The following TMOD3 variants were observed in gnomAD, a reference collection of about 807,000 sequenced individuals.
TMOD3 encodes tropomodulin 3.
A neutral mutation model predicts 39.2 loss-of-function variants in TMOD3; 20 were observed. The observed-to-expected ratio is 0.51, with a 90% CI of 0.36 to 0.74. The LOEUF (loss-of-function observed/expected upper bound fraction) is 0.74. TMOD3 is among the 30% of genes least tolerant of loss of function. TMOD3 has a pLI of 0.00. For synonymous variants in TMOD3, 143 were observed against 145.8 expected (o/e 0.98, Z 0.14); for missense variants, 381 against 412.8 (o/e 0.92, Z 0.67).
At chr15:51,897,448 AATCTT>A in intron 7 of TMOD3, among the ~76,000 whole-genome samples, 1 of 151,230 alleles carries the variant, frequency 6.6e-6, no homozygotes, top group Admixed American at 6.6e-5. Flanking sequence ...ATGCAATTTC[AATCTT>A]TCATTGCTCA....
chr15:51,876,069 C>T (rs943399194), intron 3 of TMOD3, among the ~76,000 whole-genome samples: 1 of 152,134 alleles, frequency 6.6e-6, no homozygotes, highest in Non-Finnish European at 1.5e-5. Flanking sequence ...ATAAAACCTA[C>T]TTTGCCTGAT....
intron 3 of TMOD3, chr15:51,875,018 GC>G (rs2056494570): frequency 1.3e-5 from 2 of 152,082 alleles, no homozygotes; most frequent in Admixed American, 1.3e-4. Context: ...GCCCCTCCCT[GC>G]TTTTTTAAAG....
At chr15:51,832,286 A>G (rs1219648663) in intron 1 of TMOD3, among the ~76,000 whole-genome samples, 2 of 145,418 alleles carry the variant, frequency 1.4e-5, no homozygotes, top group Non-Finnish European at 3.0e-5. Context: ...AGGCAGATAT[A>G]CTTATGTATA....
chr15:51,861,377 A>C (rs961392650), intron 1 of TMOD3: 1 of 176,940 alleles, frequency 5.7e-6, no homozygotes, highest in Non-Finnish European at 1.2e-5. Context: ...TGTTGGACCC[A>C]AGGTGGTTGC....
intron 2 of TMOD3, among the ~76,000 whole-genome samples, chr15:51,866,844 A>C (rs969663864): frequency 5.3e-5 from 8 of 152,232 alleles, no homozygotes; most frequent in African/African-American, 1.9e-4. Flanking sequence ...CTCATGACGC[A>C]GGCTGGTAGG....
At chr15:51,905,025 A>G (rs1222936078) in intron 9 of TMOD3, among the ~76,000 whole-genome samples, 2 of 152,238 alleles carry the variant, frequency 1.3e-5, no homozygotes, top group Non-Finnish European at 2.9e-5. Context: ...TGAAATGACA[A>G]TAAGCACATT....
intron 1 of TMOD3, among the ~76,000 whole-genome samples, chr15:51,849,439 C>G: frequency 6.6e-6 from 1 of 151,990 alleles, no homozygotes; most frequent in African/African-American, 2.4e-5. Flanking sequence ...ATGAAATCAC[C>G]AAGGCAGTGA....
chr15:51,883,036 C>A (rs2141697302), intron 3 of TMOD3, among the ~76,000 whole-genome samples: 2 of 152,142 alleles, frequency 1.3e-5, no homozygotes, highest in Admixed American at 1.3e-4. Context: ...TTCAACTAAC[C>A]TGGAAGAAAA....
At chr15:51,851,364 T>A (rs2056361095) in intron 1 of TMOD3, among the ~76,000 whole-genome samples, 1 of 152,242 alleles carries the variant, frequency 6.6e-6, no homozygotes, top group South Asian at 2.1e-4. Flanking sequence ...AGTTATTTGC[T>A]TGTTTCACTT....
chr15:51,848,305 T>C (rs1419355715), intron 1 of TMOD3, among the ~76,000 whole-genome samples: 4 of 152,224 alleles, frequency 2.6e-5, no homozygotes, highest in African/African-American at 9.6e-5. Flanking sequence ...TGAAACTCCC[T>C]TGCCTTTGAG....
At chr15:51,834,548 C>T (rs1372029080) in intron 1 of TMOD3, among the ~76,000 whole-genome samples, 6 of 152,010 alleles carry the variant, frequency 3.9e-5, no homozygotes, top group Non-Finnish European at 5.9e-5. Context: ...TTCCCTTTCT[C>T]GGCCAGGCAC....
intron 5 of TMOD3, among the ~76,000 whole-genome samples, chr15:51,889,498 G>T (rs971374252): frequency 1.3e-5 from 2 of 152,058 alleles, no homozygotes; most frequent in African/African-American, 4.8e-5. Flanking sequence ...AGATTCAGGA[G>T]ATACCACAAA....
At chr15:51,856,869 TA>T (rs1208229737) in intron 1 of TMOD3, among the ~76,000 whole-genome samples, 2 of 152,228 alleles carry the variant, frequency 1.3e-5, no homozygotes, top group African/African-American at 4.8e-5. Context: ...TGGGATTACC[TA>T]ATCAAGTTCA....
chr15:51,889,087 T>C lies in TMOD3; in HGVS notation c.438T>C (p.Asn146=), dbSNP rs2056579825. ...TTGGGATGCACAATTTGATAACGAATACAAAGTTCTGTAATATAATGGGAA... is the reference window on the plus strand; with the variant it reads ...TTGGGATGCACAATTTGATAACGAACACAAAGTTCTGTAATATAATGGGAA... The part of the protein sequence containing the change: ...AILGMHNLIT[N]TKFCNIMGSS... The change falls in exon 5 of 10, where the codon AAT becomes AAC. Residue 146 remains asparagine, a synonymous_variant. Coordinates refer to ENST00000308580, the MANE Select transcript of TMOD3 (RefSeq NM_014547.5). The C allele has an allele frequency of 6.3e-7, 1 of 1,589,764 alleles. No individual in the cohort carries two copies. Among genetic ancestry groups the C allele is most frequent in the African/African-American group, 1.4e-5 (1 of 73,212 alleles).
chr15:51,881,208 T>G (rs894300529), intron 3 of TMOD3, among the ~76,000 whole-genome samples: 13 of 152,180 alleles, frequency 8.5e-5, no homozygotes, highest in Admixed American at 7.9e-4. Context: ...TAGCTGAGAT[T>G]ACAAATGTGC....
In TMOD3 at chr15:51,887,677, A is replaced by T; in HGVS notation, c.372A>T (p.Thr124=). 1 of 1,614,032 alleles carries T rather than the reference A, an allele frequency of 6.2e-7. No individual in the cohort carries two copies. The highest frequency in any genetic ancestry group is 8.5e-7 in the Non-Finnish European group (1 of 1,179,956). ...ATCCAGAATTAGAAGAAGCTTTGACAAGTGCTTCTGATACAGAATTGTGTG... is the reference window on the plus strand; with the variant it reads ...ATCCAGAATTAGAAGAAGCTTTGACTAGTGCTTCTGATACAGAATTGTGTG... ...SLDPELEEAL[T]SASDTELCDL... is the part of the protein sequence containing the mutation. Residue 124 remains threonine, a synonymous_variant, in exon 4 of 10, where the codon ACA becomes ACT. Coordinates refer to ENST00000308580, the MANE Select transcript of TMOD3 (RefSeq NM_014547.5).
rs529525088 is a variant in TMOD3 at position 51,893,176 on chromosome 15, T to G, written c.497-639T>G. 2.1e-3 allele frequency among the ~76,000 whole-genome samples: 320 copies of G among 151,390 alleles called. 2 individuals are homozygous for G. The highest frequency in any genetic ancestry group is 7.4e-3 in the African/African-American group (304 of 41,222). On this transcript the variant is annotated intron_variant, in intron 5 of 9. Coordinates refer to ENST00000308580, the MANE Select transcript of TMOD3 (RefSeq NM_014547.5). ...CAGGCATGGTGACACACGCCTGTAT[T>G]CCCAGCTACTTGGGAGGCTGAGGCA...
intron 3 of TMOD3, among the ~76,000 whole-genome samples, chr15:51,872,329 A>G (rs2623272): frequency 0.99 from 150,391 of 152,098 alleles, 74,357 homozygotes; most frequent in East Asian, 1. Flanking sequence ...GGAGGCGGAG[A>G]TTGCAGTGAG....
chr15:51,839,163 C>CTTTTTTTTTTTTTTTTTTTTTTTTTTT lies in TMOD3; in HGVS notation c.-75+9328_-75+9329insTTTTTTTTTTTTTTTTTTTTTTTTTTT, dbSNP rs111813783. On this transcript the variant is annotated intron_variant, in intron 1 of 9. Coordinates refer to ENST00000308580, the MANE Select transcript of TMOD3 (RefSeq NM_014547.5). ...TGACAGCTAAGAAATAGGTGTATCT[C>CTTTTTTTTTTTTTTTTTTTTTTTTTTT]TCTTTTTTTTTTTTTCCATTTTGTT... 6.5e-4 allele frequency among the ~76,000 whole-genome samples: 71 copies of CTTTTTTTTTTTTTTTTTTTTTTTTTTT among 109,800 alleles called. 9 individuals are homozygous for CTTTTTTTTTTTTTTTTTTTTTTTTTTT. Among genetic ancestry groups the CTTTTTTTTTTTTTTTTTTTTTTTTTTT allele is most frequent in the Admixed American group, 1.6e-3 (15 of 9,452 alleles). 72.0% of individuals were successfully genotyped at this position (109,800 alleles called of 152,430 possible).
Sources: allele counts gnomAD v4.1 joint callset (sites outside exome capture counted in the v4.1 genomes callset), GRCh38; gene constraint gnomAD v4.1.1; transcripts MANE v1.5; gene names NCBI Gene and HGNC (gene_info 2026-07-23, HGNC 2026-07-21).